CNTNAP2: variants seen among roughly 807,000 people sequenced by gnomAD.
CNTNAP2 encodes contactin-associated protein-like 2.
In CNTNAP2, 98 loss-of-function variants were observed where a neutral mutation model predicts 155.2. The ratio of observed to expected loss-of-function variants is 0.63; its 90% CI spans 0.54 to 0.75. The LOEUF (loss-of-function observed/expected upper bound fraction) is 0.75, where lower values mean the gene tolerates loss of function less well. Among genes scored for constraint, CNTNAP2 ranks in the 30% least tolerant of loss-of-function variants. CNTNAP2 has a pLI of 0.00. For synonymous variants in CNTNAP2, 651 were observed against 631.2 expected, an observed-to-expected ratio of 1.03 and a Z score of -0.47; for missense variants, 1,727 against 1,688.1, an observed-to-expected ratio of 1.02 and a Z score of -0.40.
chr7:146,304,097 T>TTA (rs1250039871), intron 1 of CNTNAP2, among the ~76,000 whole-genome samples: 2 of 139,166 alleles, frequency 1.4e-5, no homozygotes, highest in African/African-American at 5.0e-5. Flanking sequence ...AAACCCTGCT[T>TTA]TTTTTTTTTT....
chr7:147,801,550 A>G (rs1279771500), intron 13 of CNTNAP2, among the ~76,000 whole-genome samples: 2 of 151,914 alleles, frequency 1.3e-5, no homozygotes, highest in African/African-American at 4.8e-5. Flanking sequence ...GCCTTCAAGC[A>G]TCTGTTTAAC....
At chr7:147,548,073 C>A (rs965045238) in intron 11 of CNTNAP2, among the ~76,000 whole-genome samples, 2 of 152,102 alleles carry the variant, frequency 1.3e-5, no homozygotes, top group African/African-American at 4.8e-5. Flanking sequence ...AACATGTGTG[C>A]ATGTGTCTTT....
At chr7:147,082,436 GACC>G (rs1800154687) in intron 4 of CNTNAP2, 1 of 152,130 alleles carries the variant, frequency 6.6e-6, no homozygotes, top group South Asian at 2.1e-4. Context: ...TTGGTCGTGT[GACC>G]ACCAACACTT....
intron 1 of CNTNAP2, among the ~76,000 whole-genome samples, chr7:146,488,793 T>C (rs180819041): frequency 1.3e-5 from 2 of 152,118 alleles, no homozygotes; most frequent in Admixed American, 6.5e-5. Flanking sequence ...CACGCCTGGC[T>C]AGTTTTTTGT....
intron 15 of CNTNAP2, among the ~76,000 whole-genome samples, chr7:148,043,486 G>C (rs1306903369): frequency 2.0e-5 from 3 of 152,164 alleles, no homozygotes; most frequent in Non-Finnish European, 2.9e-5. Context: ...TTTAATTACT[G>C]AGTTATGGAA....
intron 12 of CNTNAP2, among the ~76,000 whole-genome samples, chr7:147,606,014 C>A (rs916622387): frequency 6.6e-6 from 1 of 151,956 alleles, no homozygotes; most frequent in African/African-American, 2.4e-5. Context: ...AGTCTAACAA[C>A]GGTTCAGGTA....
chr7:147,682,399 CTAAT>C (rs1414445976), intron 13 of CNTNAP2, among the ~76,000 whole-genome samples: 8 of 151,852 alleles, frequency 5.3e-5, no homozygotes, highest in East Asian at 1.9e-4. Context: ...ATGAGCCAAT[CTAAT>C]TATGTGAAAT....
intron 1 of CNTNAP2, among the ~76,000 whole-genome samples, chr7:146,603,202 G>C (rs1798979384): frequency 6.6e-6 from 1 of 151,318 alleles, no homozygotes; most frequent in South Asian, 2.1e-4. Context: ...CATGAGGTCA[G>C]GAGATCGAGA....
At chr7:146,429,108 T>C (rs1796135350) in intron 1 of CNTNAP2, among the ~76,000 whole-genome samples, 1 of 152,140 alleles carries the variant, frequency 6.6e-6, no homozygotes. Flanking sequence ...CTCATACCAG[T>C]ACCATGCTGT....
At chr7:146,217,722 G>A (rs115864321) in intron 1 of CNTNAP2, among the ~76,000 whole-genome samples, 2,318 of 152,188 alleles carry the variant, frequency 0.015, 49 homozygotes, top group African/African-American at 0.052. Context: ...CCTCTGGGTG[G>A]GGGGATTGAG....
At chr7:147,572,538 G>C (rs538179139) in intron 12 of CNTNAP2, among the ~76,000 whole-genome samples, 161 of 151,912 alleles carry the variant, frequency 1.1e-3, no homozygotes, top group African/African-American at 3.4e-3. Context: ...GCTTGATTTT[G>C]TGCTTTTAAA....
chr7:147,244,050 C>T (rs1804000731), intron 8 of CNTNAP2, among the ~76,000 whole-genome samples: 1 of 152,152 alleles, frequency 6.6e-6, no homozygotes, highest in African/African-American at 2.4e-5. Context: ...GGTGGGGACT[C>T]CATTCTTGAC....
chr7:147,683,847 A>G (rs963445396), intron 13 of CNTNAP2, among the ~76,000 whole-genome samples: 1 of 150,896 alleles, frequency 6.6e-6, no homozygotes, highest in African/African-American at 2.4e-5. Flanking sequence ...AATGACTGCC[A>G]AAATCTAGGG....
intron 8 of CNTNAP2, among the ~76,000 whole-genome samples, chr7:147,269,606 G>A (rs1321903193): frequency 1.3e-5 from 2 of 152,186 alleles, no homozygotes; most frequent in Admixed American, 1.3e-4. Flanking sequence ...TATTCCTCTT[G>A]TTTTTGATGA....
At chr7:146,885,449 G>C (rs1011717843) in intron 3 of CNTNAP2, among the ~76,000 whole-genome samples, 2 of 152,038 alleles carry the variant, frequency 1.3e-5, no homozygotes. Context: ...ACAGTGTTAG[G>C]AAATTTGGCA....
intron 1 of CNTNAP2, among the ~76,000 whole-genome samples, chr7:146,718,173 G>C (rs917602661): frequency 6.6e-6 from 1 of 152,116 alleles, no homozygotes; most frequent in Non-Finnish European, 1.5e-5. Context: ...TAAACAGTCA[G>C]TGCACATGTT....
intron 5 of CNTNAP2, among the ~76,000 whole-genome samples, chr7:147,109,097 C>T (rs1800824881): frequency 6.6e-6 from 1 of 152,094 alleles, no homozygotes; most frequent in Non-Finnish European, 1.5e-5. Flanking sequence ...AACTGTATGG[C>T]TTTATCATCT....
chr7:146,602,676 C>A (rs1321963830), intron 1 of CNTNAP2, among the ~76,000 whole-genome samples: 4 of 152,146 alleles, frequency 2.6e-5, no homozygotes, highest in Non-Finnish European at 4.4e-5. Flanking sequence ...TTGGAAAATA[C>A]ACATAGTGAT....
intron 12 of CNTNAP2, among the ~76,000 whole-genome samples, chr7:147,599,275 G>A (rs910503854): frequency 1.3e-4 from 20 of 151,680 alleles, no homozygotes; most frequent in South Asian, 2.1e-4. Flanking sequence ...TCAGGAGTTC[G>A]TGACCAGCGT....
Sources: gnomAD v4.1 joint callset for allele counts (sites outside exome capture counted in the v4.1 genomes callset) on GRCh38, gnomAD v4.1.1 for gene constraint, MANE v1.5 for transcripts, NCBI Gene and HGNC (gene_info 2026-07-23, HGNC 2026-07-21) for gene names.